Variants in ST18 observed in about 807,000 individuals in gnomAD.
ST18 encodes suppression of tumorigenicity 18 protein.
A neutral mutation model predicts 110.0 loss-of-function variants in ST18; 50 were observed. The ratio of observed to expected loss-of-function variants is 0.45; its 90% CI spans 0.36 to 0.58. ST18 has a LOEUF of 0.58. Ranked by LOEUF, ST18 falls within the 20% of genes least tolerant of loss-of-function variation. ST18 has a pLI of 0.00. For synonymous variants in ST18, 461 were observed against 452.4 expected (o/e 1.02, Z -0.24); for missense variants, 1,306 against 1,280.1 (o/e 1.02, Z -0.31).
rs926564163 is a variant in ST18, at chr8:52,279,679, T to C, written c.-464-49602A>G. 2.0e-5 allele frequency among the ~76,000 whole-genome samples: 3 copies of C among 152,180 alleles called. No individual in the cohort carries two copies. In the East Asian group the frequency reaches 5.8e-4, roughly 29 times the overall value. ...GGGAAATATAGTGAATTGGTAGCTA[T>C]CTTCTCCACAACAAAAAAGAAGCCA... On this transcript the variant is annotated intron_variant, in intron 2 of 25. Coordinates refer to ENST00000689386, the MANE Select transcript of ST18 (RefSeq NM_001352837.2).
At chr8:52,214,679 A>C (rs1298681898) in intron 6 of ST18, among the ~76,000 whole-genome samples, 2 of 152,180 alleles carry the variant, frequency 1.3e-5, no homozygotes, top group African/African-American at 4.8e-5. Flanking sequence ...TCTCTTTCTA[A>C]GCTTGGAAAA....
At chr8:52,272,898 C>A (rs1170118312) in intron 2 of ST18, among the ~76,000 whole-genome samples, 1 of 152,080 alleles carries the variant, frequency 6.6e-6, no homozygotes, top group Admixed American at 6.6e-5. Flanking sequence ...TGGAAATTAT[C>A]TGGGAGGGGA....
chr8:52,353,687 G>A (rs922270607), intron 2 of ST18, among the ~76,000 whole-genome samples: 1 of 152,126 alleles, frequency 6.6e-6, no homozygotes, highest in Admixed American at 6.5e-5. Context: ...TATAGGTAGG[G>A]GAAATCAACT....
chr8:52,180,312 A>G lies in ST18; in HGVS notation c.87T>C (p.Ser29=). 6.2e-7 allele frequency: 1 copy of G among 1,613,850 alleles called. No individual in the cohort carries two copies. Among genetic ancestry groups the G allele is most frequent in the Non-Finnish European group, 8.5e-7 (1 of 1,179,784 alleles). The change falls in exon 9 of 26, where the codon AGT becomes AGC. Residue 29 remains serine (S), a splice_region_variant and synonymous_variant. Coordinates refer to ENST00000689386, the MANE Select transcript of ST18 (RefSeq NM_001352837.2). ...TTGCCATGGAGCAATCATAGGCAAC[A>G]CTGTAGTGATTGAGGAAAATTAAGA... The part of the protein sequence containing the change: ...VPMDSLIQEL[S]VAYDCSMAKK...
intron 15 of ST18, among the ~76,000 whole-genome samples, chr8:52,151,657 C>T (rs2058836088): frequency 6.6e-6 from 1 of 152,068 alleles, no homozygotes; most frequent in African/African-American, 2.4e-5. Context: ...AGGAGCGCAT[C>T]AAAACAATTT....
At chr8:52,289,995 T>A (rs534819495) in intron 2 of ST18, among the ~76,000 whole-genome samples, 1 of 152,096 alleles carries the variant, frequency 6.6e-6, no homozygotes, top group African/African-American at 2.4e-5. Flanking sequence ...ATGGAGTCAG[T>A]TAAAGGTGCA....
rs200572187 is a variant in ST18 at position 52,214,187 on chromosome 8, C to G, written c.55+16G>C. On this transcript the variant is annotated intron_variant, in intron 7 of 25. Transcript: ENST00000689386. ...TGTGGTGGGCATAGTGTCATAGAAC[C>G]TGCTTGCTAACTCACCCTCGGTTCC... 76 of 1,613,990 alleles carry G rather than the reference C, an allele frequency of 4.7e-5. No individual in the cohort carries two copies. In the African/African-American group the frequency reaches 8.4e-4, roughly 18 times the overall value.
chr8:52,178,833 A>C lies in ST18; in HGVS notation c.277+1289T>G, dbSNP rs143093998. 1.3e-3 allele frequency among the ~76,000 whole-genome samples: 204 copies of C among 152,040 alleles called. 1 individual carries two copies. Among genetic ancestry groups the C allele is most frequent in the African/African-American group, 4.7e-3 (196 of 41,468 alleles). Reference sequence around the variant, plus strand: ...CAAAGAATTTACTTAAATACCTTCAAATCAGAATACAACTTTGTTTTAAGC... The same window carrying C: ...CAAAGAATTTACTTAAATACCTTCACATCAGAATACAACTTTGTTTTAAGC... On this transcript the variant is annotated intron_variant, in intron 9 of 25. Transcript: ENST00000689386.
intron 2 of ST18, among the ~76,000 whole-genome samples, chr8:52,247,510 C>T (rs933651178): frequency 1.3e-5 from 2 of 152,120 alleles, no homozygotes; most frequent in African/African-American, 4.8e-5. Flanking sequence ...TTGCTGTACC[C>T]GTAAGGATGG....
intron 2 of ST18, among the ~76,000 whole-genome samples, chr8:52,261,349 T>C (rs982442292): frequency 2.0e-5 from 3 of 152,034 alleles, no homozygotes; most frequent in Admixed American, 6.6e-5. Context: ...ATTTGGTGAG[T>C]CTCCTGTCAT....
At chr8:52,121,306 C>T (rs755571452) in intron 23 of ST18, among the ~76,000 whole-genome samples, 2 of 152,116 alleles carry the variant, frequency 1.3e-5, no homozygotes, top group East Asian at 1.9e-4. Flanking sequence ...GGATCTAATA[C>T]GTAACAGGCT....
chr8:52,140,386 C>T lies in ST18; in HGVS notation c.2168+2544G>A, dbSNP rs200691454. 4.6e-5 allele frequency among the ~76,000 whole-genome samples: 7 copies of T among 151,930 alleles called. No homozygotes were observed. The East Asian group carries it at 9.7e-4, about 21-fold the overall frequency. On this transcript the variant is annotated intron_variant, in intron 17 of 25. Coordinates refer to ENST00000689386, the MANE Select transcript of ST18 (RefSeq NM_001352837.2). ...CTCTACTAAAAATACAAAAATTAGC[C>T]GGGTGTGGTGGTGGGCGCCTGTAAT...
intron 7 of ST18, among the ~76,000 whole-genome samples, chr8:52,212,368 G>T (rs2082497285): frequency 6.6e-6 from 1 of 152,178 alleles, no homozygotes; most frequent in African/African-American, 2.4e-5. Flanking sequence ...TGTCCTTAGA[G>T]ATTCATTGAA....
intron 2 of ST18, among the ~76,000 whole-genome samples, chr8:52,251,608 G>T (rs1178563628): frequency 6.6e-6 from 1 of 151,114 alleles, no homozygotes; most frequent in Admixed American, 6.6e-5. Context: ...TAAAAGGAAA[G>T]ACAATGCAGC....
chr8:52,217,077 G>A (rs1464364462), intron 6 of ST18, among the ~76,000 whole-genome samples: 2 of 152,096 alleles, frequency 1.3e-5, no homozygotes, highest in Non-Finnish European at 2.9e-5. Context: ...AGACTTGATC[G>A]TCTTTACTGC....
At chr8:52,349,234 G>C (rs1315033842) in intron 2 of ST18, among the ~76,000 whole-genome samples, 1 of 152,164 alleles carries the variant, frequency 6.6e-6, no homozygotes, top group East Asian at 1.9e-4. Context: ...CACTGGTGGA[G>C]ACGTGGTAGA....
At position 52,337,731 on chromosome 8, in the gene ST18, G is replaced by A. The variant is rs577427979; in HGVS notation, c.-465+71597C>T. Among the ~76,000 whole-genome samples the A allele has an allele frequency of 4.6e-5, 7 of 152,340 alleles. No homozygotes were observed. The South Asian group carries it at 1.2e-3, about 27-fold the overall frequency. ...GTTGGCGTTTCTCAGGGATACCAAA[G>A]CTTCTCTATCTACATCAAAGCCCTC... On this transcript the variant is annotated intron_variant, in intron 2 of 25. Coordinates refer to ENST00000689386, the MANE Select transcript of ST18 (RefSeq NM_001352837.2).
intron 2 of ST18, among the ~76,000 whole-genome samples, chr8:52,280,877 TAA>T (rs2095363224): frequency 6.6e-6 from 1 of 152,048 alleles, no homozygotes; most frequent in East Asian, 1.9e-4. Flanking sequence ...AGACTTGAGC[TAA>T]AAGACACATA....
Position 52,212,064 on chromosome 8 carries a change from T to C in ST18, c.86+15A>G, listed in dbSNP as rs1214049723. The stretch of plus-strand genomic sequence containing the variant: ...CCATTAATGTGAAAAAAAAGTAATA[T>C]AGGGTAAATCTTACCTGAGCTCCTG... On this transcript the variant is annotated intron_variant, in intron 8 of 25. Coordinates refer to ENST00000689386, the MANE Select transcript of ST18 (RefSeq NM_001352837.2). 1.2e-6 allele frequency: 2 copies of C among 1,603,066 alleles called. No individual in the cohort carries two copies. Among genetic ancestry groups the C allele is most frequent in the Non-Finnish European group, 1.7e-6 (2 of 1,176,968 alleles).
Sources: gnomAD v4.1 joint callset for allele counts (sites outside exome capture counted in the v4.1 genomes callset) on GRCh38, gnomAD v4.1.1 for gene constraint, MANE v1.5 for transcripts, NCBI Gene and HGNC (gene_info 2026-07-23, HGNC 2026-07-21) for gene names.